Variants in DOCK10 observed in about 807,000 individuals in gnomAD.
DOCK10 encodes dedicator of cytokinesis protein 10.
DOCK10 carries 145 observed loss-of-function variants against 280.1 expected under a neutral mutation model. The observed-to-expected ratio is 0.52, with a 90% CI of 0.45 to 0.59. The LOEUF (loss-of-function observed/expected upper bound fraction) is 0.59, where lower values mean the gene tolerates loss of function less well. Ranked by LOEUF, DOCK10 falls within the 20% of genes least tolerant of loss-of-function variation. The probability of loss-of-function intolerance (pLI) is 0.00; values close to 1 mark genes in which losing one functional copy is unlikely to be tolerated. For synonymous variants in DOCK10, 915 were observed against 942.2 expected, an observed-to-expected ratio of 0.97 and a Z score of 0.53; for missense variants, 2,368 against 2,651.7, an observed-to-expected ratio of 0.89 and a Z score of 2.35.
Position 224,873,721 on chromosome 2 carries a change from T to A in DOCK10, c.1257+275A>T, listed in dbSNP as rs151061096. Among the ~76,000 whole-genome samples the A allele has an allele frequency of 4.3e-3, 662 of 152,280 alleles. 3 individuals carry two copies. Among genetic ancestry groups the A allele is most frequent in the African/African-American group, 0.015 (612 of 41,578 alleles). On this transcript the variant is annotated intron_variant, in intron 11 of 55. Coordinates refer to ENST00000258390, the MANE Select transcript of DOCK10 (RefSeq NM_014689.3). ...CCCCAAACACAGTCCTTTAATGCTT[T>A]TTCTTTAAGTTAAAAGGAAAATTTT...
intron 19 of DOCK10, among the ~76,000 whole-genome samples, chr2:224,846,406 GT>G (rs973029474): frequency 2.5e-4 from 37 of 149,790 alleles, no homozygotes; most frequent in South Asian, 4.3e-4. Context: ...AAATGCAGAA[GT>G]TTTTTTTTCA....
At chr2:224,945,154 A>G (rs138745908) in intron 1 of DOCK10, among the ~76,000 whole-genome samples, 88 of 152,338 alleles carry the variant, frequency 5.8e-4, no homozygotes, top group Admixed American at 2.9e-3. Flanking sequence ...GACATAATCC[A>G]TGCTACTTCT....
In DOCK10 at chr2:224,885,681, C is replaced by A. The variant is rs761525032; in HGVS notation, c.737G>T (p.Gly246Val). The change falls in exon 7 of 56, where the codon GGA becomes GTA. Residue 246 changes from glycine to valine, a missense_variant. Coordinates refer to ENST00000258390, the MANE Select transcript of DOCK10 (RefSeq NM_014689.3). ...GGGATGTCTACTCACCTGCACCACTCCTGTACAGGAATCCAAAAAGATGCA... is the reference window on the plus strand; with the variant it reads ...GGGATGTCTACTCACCTGCACCACTACTGTACAGGAATCCAAAAAGATGCA... ...KGCIFLDSCT[G>V]VVQNNRLRKY... 3 of 1,608,646 alleles carry A rather than the reference C, an allele frequency of 1.9e-6. No homozygotes were observed. The highest frequency in any genetic ancestry group is 3.3e-4 in the Middle Eastern group (2 of 6,044).
chr2:224,882,016 T>C (rs1347729622), intron 7 of DOCK10, among the ~76,000 whole-genome samples: 1 of 152,214 alleles, frequency 6.6e-6, no homozygotes, highest in Non-Finnish European at 1.5e-5. Context: ...TTGGAACCCA[T>C]ATCCACATGG....
chr2:224,905,767 G>C (rs540945251), intron 3 of DOCK10, among the ~76,000 whole-genome samples: 12 of 152,052 alleles, frequency 7.9e-5, no homozygotes, highest in African/African-American at 2.9e-4. Context: ...CTGAGATATC[G>C]GTATCTCCTT....
chr2:224,864,997 C>T lies in DOCK10; in HGVS notation c.1348G>A (p.Ala450Thr), dbSNP rs932401233. The stretch of plus-strand genomic sequence containing the variant: ...GCCCCCAAGAGCATCTGTCTGACAG[C>T]AGCATGGTTTAGATCCACATGAAAA... The part of the protein sequence containing the change: ...ADFHVDLNHA[A>T]VRQMLLGASV... Residue 450 changes from alanine (A) to threonine (T), a missense_variant, in exon 12 of 56, where the codon GCT (alanine) becomes ACT (threonine). By Grantham distance (58) the Ala-to-Thr change is moderately conservative. This residue lies in a region of DOCK10 where 1,209 missense variants were observed against 1,250.9 expected (regional missense o/e 0.97). Transcript: ENST00000258390. 2 of 1,613,918 alleles carry T rather than the reference C, an allele frequency of 1.2e-6. No homozygotes were observed. Among genetic ancestry groups the T allele is most frequent in the Non-Finnish European group, 1.7e-6 (2 of 1,179,888 alleles).
intron 1 of DOCK10, among the ~76,000 whole-genome samples, chr2:224,988,506 C>T (rs923060629): frequency 3.3e-5 from 5 of 152,170 alleles, no homozygotes; most frequent in African/African-American, 1.2e-4. Context: ...CTGTGATCAT[C>T]CCTGTTTTAC....
At chr2:224,986,336 T>C (rs1575150286) in intron 1 of DOCK10, among the ~76,000 whole-genome samples, 1 of 152,170 alleles carries the variant, frequency 6.6e-6, no homozygotes, top group East Asian at 1.9e-4. Flanking sequence ...CTTGGTTTCA[T>C]TGCTTCACAC....
At chr2:224,816,566 C>T (rs892919174) in intron 30 of DOCK10, 51 bp downstream of exon 30, 1 of 1,070,316 alleles carries the variant, frequency 9.3e-7, no homozygotes. Flanking sequence ...AACGAACAAA[C>T]AAAAGCATTC....
intron 4 of DOCK10, among the ~76,000 whole-genome samples, chr2:224,894,078 T>A (rs965092337): frequency 2.6e-5 from 4 of 152,268 alleles, no homozygotes; most frequent in Admixed American, 6.5e-5. Flanking sequence ...TTTGTGGCAG[T>A]CTGATTCTTC....
intron 3 of DOCK10, among the ~76,000 whole-genome samples, chr2:224,903,280 A>C (rs943262002): frequency 2.0e-5 from 3 of 152,232 alleles, no homozygotes; most frequent in East Asian, 1.9e-4. Flanking sequence ...TTTTTAAAAA[A>C]TACTACTTGA....
chr2:224,805,269 C>A lies in DOCK10; in HGVS notation c.3988G>T (p.Asp1330Tyr). ...IGSTLRFDKL[D>Y]QAETRSLLMC... is the part of the protein sequence containing the mutation. ...AGGAGACTCCTGGTTTCTGCTTGAT[C>A]TAACTTGTCAAATCGAAGAGTTGAG... The change falls in exon 36 of 56, where the codon GAT (aspartate) becomes TAT (tyrosine). Residue 1330 changes from aspartate to tyrosine, a missense_variant. Coordinates refer to ENST00000258390, the MANE Select transcript of DOCK10 (RefSeq NM_014689.3). The surrounding 1 kb of genome is among the most constrained non-coding windows in gnomAD (Gnocchi z 4.3). The A allele has an allele frequency of 6.2e-7, 1 of 1,613,098 alleles. No individual in the cohort carries two copies. Among genetic ancestry groups the A allele is most frequent in the South Asian group, 1.1e-5 (1 of 91,052 alleles).
At chr2:224,867,875 A>G (rs1294407538) in intron 11 of DOCK10, among the ~76,000 whole-genome samples, 1 of 152,186 alleles carries the variant, frequency 6.6e-6, no homozygotes, top group Admixed American at 6.5e-5. Context: ...TTTGAGGATA[A>G]AGGAAATGAA....
chr2:224,769,135 C>A (rs1369310005), intron 55 of DOCK10, among the ~76,000 whole-genome samples: 1 of 152,138 alleles, frequency 6.6e-6, no homozygotes, highest in Non-Finnish European at 1.5e-5. Context: ...TACTTAATTC[C>A]TGTCACCCCT....
chr2:224,928,470 A>C (rs1361727771), intron 2 of DOCK10, among the ~76,000 whole-genome samples: 2 of 152,154 alleles, frequency 1.3e-5, no homozygotes, highest in Non-Finnish European at 1.5e-5. Flanking sequence ...TCCCTAAGCT[A>C]TTTTAACAAC....
chr2:224,928,287 G>A (rs10166945), intron 2 of DOCK10, among the ~76,000 whole-genome samples: 35,045 of 152,092 alleles, frequency 0.23, 4,536 homozygotes, highest in Non-Finnish European at 0.28. Flanking sequence ...TTTTCCGGCT[G>A]AATGTCTCTG....
At chr2:224,794,136 G>C (rs1692393325) in intron 45 of DOCK10, among the ~76,000 whole-genome samples, 1 of 152,186 alleles carries the variant, frequency 6.6e-6, no homozygotes, top group Admixed American at 6.5e-5. Context: ...TCTCATTCTT[G>C]TCCTCACTAA....
At chr2:224,927,821 T>C (rs1702119051) in intron 2 of DOCK10, among the ~76,000 whole-genome samples, 2 of 152,008 alleles carry the variant, frequency 1.3e-5, no homozygotes. Flanking sequence ...GAATCATGTG[T>C]GCTGCAAGTG....
intron 1 of DOCK10, among the ~76,000 whole-genome samples, chr2:224,943,885 T>G (rs1301584605): frequency 6.7e-6 from 1 of 150,064 alleles, no homozygotes; most frequent in African/African-American, 2.4e-5. Context: ...TGCCTTAGCC[T>G]CCCGAGTAGC....
Sources: allele counts gnomAD v4.1 joint callset (sites outside exome capture counted in the v4.1 genomes callset), GRCh38; gene constraint gnomAD v4.1.1; regional missense constraint gnomAD v4.1.1; non-coding constraint Gnocchi (gnomAD v3.1); transcripts MANE v1.5; gene names NCBI Gene and HGNC (gene_info 2026-07-23, HGNC 2026-07-21).